The following SPAG16 variants were observed in gnomAD, a reference collection of about 807,000 sequenced individuals.
The protein encoded by SPAG16 is sperm-associated antigen 16 protein.
SPAG16 carries 86 observed loss-of-function variants against 80.4 expected under a neutral mutation model. That is an observed-to-expected ratio of 1.07 (90% CI 0.90 to 1.28). SPAG16 has a LOEUF of 1.28. SPAG16 is among the 50% of genes most tolerant of loss of function. The pLI, the probability that SPAG16 is intolerant of heterozygous loss-of-function variation, is 0.00. For synonymous variants in SPAG16, 294 were observed against 265.9 expected, an observed-to-expected ratio of 1.11 and a Z score of -1.03; for missense variants, 870 against 765.3, an observed-to-expected ratio of 1.14 and a Z score of -1.61.
At chr2:213,826,142 C>A (rs1488479558) in intron 10 of SPAG16, among the ~76,000 whole-genome samples, 1 of 151,772 alleles carries the variant, frequency 6.6e-6, no homozygotes, top group Admixed American at 6.6e-5. Flanking sequence ...TGGGTCTTCT[C>A]TCTTTTTTCA....
intron 11 of SPAG16, among the ~76,000 whole-genome samples, chr2:213,875,443 C>T (rs546541089): frequency 3.9e-4 from 60 of 152,208 alleles, no homozygotes; most frequent in African/African-American, 1.4e-3. Context: ...TCAACAGCAT[C>T]AAGGCATAGA....
At chr2:213,694,366 TAATTGTTCAC>T in intron 10 of SPAG16, among the ~76,000 whole-genome samples, 1 of 152,354 alleles carries the variant, frequency 6.6e-6, no homozygotes, top group South Asian at 2.1e-4. Context: ...AAGTGTTGGC[TAATTGTTCAC>T]AATTTTACTA....
intron 10 of SPAG16, among the ~76,000 whole-genome samples, chr2:213,762,185 A>T (rs1156800057): frequency 1.3e-5 from 2 of 152,204 alleles, no homozygotes; most frequent in Admixed American, 6.5e-5. Flanking sequence ...AAGGTAGACC[A>T]GTGGCTTCCA....
chr2:213,573,688 C>T (rs2060010704), intron 10 of SPAG16, among the ~76,000 whole-genome samples: 1 of 152,030 alleles, frequency 6.6e-6, no homozygotes, highest in Admixed American at 6.6e-5. Flanking sequence ...AATGTAAGTC[C>T]ATGATTTCTT....
chr2:213,422,285 G>A (rs1342584398), intron 9 of SPAG16: 1 of 702,074 alleles, frequency 1.4e-6, no homozygotes. Context: ...TCCAGATTTG[G>A]GTGCCCACAG....
chr2:214,351,703 A>C (rs907825766), intron 15 of SPAG16, among the ~76,000 whole-genome samples: 21 of 117,026 alleles, frequency 1.8e-4, no homozygotes, highest in Non-Finnish European at 3.6e-4. Flanking sequence ...ACTCCGTCTC[A>C]AAACAAACAA....
chr2:214,176,672 CCT>C (rs2057093886), intron 15 of SPAG16, among the ~76,000 whole-genome samples: 1 of 151,058 alleles, frequency 6.6e-6, no homozygotes, highest in African/African-American at 2.4e-5. Context: ...ACAATCTTCC[CCT>C]GAGTCTTTAT....
At chr2:213,805,962 G>A (rs999326394) in intron 10 of SPAG16, among the ~76,000 whole-genome samples, 4 of 152,152 alleles carry the variant, frequency 2.6e-5, no homozygotes, top group Non-Finnish European at 5.9e-5. Context: ...GCTTACTTTA[G>A]ATATAATGGT....
chr2:213,435,914 C>CTTAA (rs2070611788), intron 9 of SPAG16, among the ~76,000 whole-genome samples: 1 of 152,156 alleles, frequency 6.6e-6, no homozygotes. Flanking sequence ...GGACAGTTAA[C>CTTAA]TTAAGCCTGG....
intron 10 of SPAG16, among the ~76,000 whole-genome samples, chr2:213,617,467 G>A (rs114634707): frequency 0.061 from 9,292 of 152,044 alleles, 928 homozygotes; most frequent in African/African-American, 0.21. Context: ...TCAGCCTCCC[G>A]ACTGGCTGGG....
At chr2:214,289,813 A>G (rs1426022692) in intron 15 of SPAG16, among the ~76,000 whole-genome samples, 1 of 152,160 alleles carries the variant, frequency 6.6e-6, no homozygotes, top group Non-Finnish European at 1.5e-5. Flanking sequence ...AGATGCTTTA[A>G]GCAGTATGAA....
At chr2:213,444,117 C>T (rs2071153288) in intron 9 of SPAG16, among the ~76,000 whole-genome samples, 2 of 152,166 alleles carry the variant, frequency 1.3e-5, no homozygotes, top group Non-Finnish European at 2.9e-5. Context: ...CCTAGGGAGA[C>T]ACAAACGCTG....
intron 10 of SPAG16, among the ~76,000 whole-genome samples, chr2:213,566,416 C>G (rs2059767281): frequency 6.6e-6 from 1 of 152,048 alleles, no homozygotes; most frequent in African/African-American, 2.4e-5. Context: ...GTTTCTCTCA[C>G]CCCCTTCAAT....
chr2:213,702,326 C>T (rs1334779852), intron 10 of SPAG16, among the ~76,000 whole-genome samples: 2 of 152,332 alleles, frequency 1.3e-5, no homozygotes, highest in East Asian at 1.9e-4. Flanking sequence ...GCTTGGGTCT[C>T]TTTTCATGCT....
At chr2:213,776,133 G>A (rs1432894141) in intron 10 of SPAG16, among the ~76,000 whole-genome samples, 1 of 152,182 alleles carries the variant, frequency 6.6e-6, no homozygotes, top group Non-Finnish European at 1.5e-5. Flanking sequence ...TGGGATTTAT[G>A]TTACCTCATA....
chr2:213,703,028 A>G (rs2065559797), intron 10 of SPAG16, among the ~76,000 whole-genome samples: 1 of 152,194 alleles, frequency 6.6e-6, no homozygotes, highest in South Asian at 2.1e-4. Flanking sequence ...GGTCCATGAA[A>G]TGTCCATAGA....
chr2:213,716,550 T>C (rs540142144), intron 10 of SPAG16, among the ~76,000 whole-genome samples: 7 of 152,366 alleles, frequency 4.6e-5, no homozygotes, highest in African/African-American at 1.7e-4. Context: ...TAAACTGCTG[T>C]TGTTTTGGCA....
chr2:214,277,605 A>G (rs1216947017), intron 15 of SPAG16, among the ~76,000 whole-genome samples: 1 of 152,166 alleles, frequency 6.6e-6, no homozygotes, highest in Non-Finnish European at 1.5e-5. Flanking sequence ...TTGCCTGGGT[A>G]TCACCAGCGG....
intron 13 of SPAG16, among the ~76,000 whole-genome samples, chr2:214,044,855 C>T (rs2049227880): frequency 6.6e-6 from 1 of 152,190 alleles, no homozygotes; most frequent in Admixed American, 6.5e-5. Flanking sequence ...CAGCCCTAGC[C>T]AGAGAGGAAT....
Sources: gnomAD v4.1 joint callset for allele counts (sites outside exome capture counted in the v4.1 genomes callset) on GRCh38, gnomAD v4.1.1 for gene constraint, MANE v1.5 for transcripts, NCBI Gene and HGNC (gene_info 2026-07-23, HGNC 2026-07-21) for gene names.